Variants in SVEP1 observed in about 807,000 individuals in gnomAD.
The protein encoded by SVEP1 is sushi, von Willebrand factor type A, EGF and pentraxin domain-containing protein 1.
Under a neutral mutation model 367.3 loss-of-function variants are expected in SVEP1, and 164 were observed. That is an observed-to-expected ratio of 0.45 (90% CI 0.39 to 0.51). The LOEUF (loss-of-function observed/expected upper bound fraction) is 0.51. SVEP1 is among the 20% of genes least tolerant of loss of function. The probability of loss-of-function intolerance (pLI) is 0.00; values close to 1 mark genes in which losing one functional copy is unlikely to be tolerated. For missense variants in SVEP1, 4,117 were observed against 4,425.3 expected (o/e 0.93, Z 1.98); for synonymous variants, 1,666 against 1,611.6 (o/e 1.03, Z -0.81).
intron 5 of SVEP1, among the ~76,000 whole-genome samples, chr9:110,512,291 G>C (rs757203202): frequency 1.3e-5 from 2 of 151,918 alleles, no homozygotes; most frequent in Non-Finnish European, 2.9e-5. Context: ...ACCCTAGGAA[G>C]TTGGTTGTGT....
chr9:110,392,495 G>A (rs1486205506), intron 40 of SVEP1, among the ~76,000 whole-genome samples: 4 of 152,074 alleles, frequency 2.6e-5, no homozygotes, highest in African/African-American at 9.7e-5. Context: ...ATAATGTCTG[G>A]TTGTCTCCAT....
At chr9:110,391,352 C>A (rs923607035) in intron 40 of SVEP1, among the ~76,000 whole-genome samples, 3 of 151,256 alleles carry the variant, frequency 2.0e-5, no homozygotes, top group African/African-American at 7.3e-5. Context: ...CTCTCTGCAA[C>A]CTCCACCTCC....
chr9:110,406,383 C>T lies in SVEP1; in HGVS notation c.9217G>A (p.Ala3073Thr). ...SCGSLPMIPN[A>T]FISETSSWKE... The stretch of plus-strand genomic sequence containing the variant: ...CAAGAGCTGGTCTCACTGATGAACG[C>T]ATTTGGTATCATTGGAAGAGAACCA... Residue 3073 changes from alanine (A) to threonine (T), a missense_variant, in exon 38 of 48, where the codon GCG becomes ACG. Ala to Thr is a moderately conservative substitution (Grantham distance 58). Around this residue, in one of 4 missense-constraint regions of SVEP1, gnomAD observed 1,765 missense variants for 1,781.1 expected, o/e 0.99. Transcript: ENST00000374469. 6.2e-7 allele frequency: 1 copy of T among 1,614,050 alleles called. No homozygotes were observed. The highest frequency in any genetic ancestry group is 8.5e-7 in the Non-Finnish European group (1 of 1,179,906).
rs187194553 is a variant in SVEP1, at chr9:110,514,477, C to T, written c.965-371G>A. ...GCGGTGAGCTGAGATAGCACCACTG[C>T]ACTCCAGCCTGGGCAACAAGAGCAA... On this transcript the variant is annotated intron_variant, in intron 3 of 47. Coordinates refer to ENST00000374469, the MANE Select transcript of SVEP1 (RefSeq NM_153366.4). 4.1e-5 allele frequency among the ~76,000 whole-genome samples: 6 copies of T among 145,746 alleles called. No homozygotes were observed. In the East Asian group the frequency reaches 6.0e-4, roughly 15 times the overall value.
In SVEP1 at chr9:110,379,362, G is replaced by A. The variant is rs748401879; in HGVS notation, c.10393C>T (p.Pro3465Ser). 73 of 1,613,484 alleles carry A rather than the reference G, an allele frequency of 4.5e-5. No individual in the cohort carries two copies. The highest frequency in any genetic ancestry group is 6.2e-5 in the Non-Finnish European group (73 of 1,179,706). Residue 3465 changes from proline (P) to serine (S), a missense_variant, in exon 44 of 48, where the codon CCT becomes TCT. Coordinates refer to ENST00000374469, the MANE Select transcript of SVEP1 (RefSeq NM_153366.4). ...ATTTCCTTACCTCTGCAAATAGGAGGTGATGTCCATGTTCCATTTTCTAAA... is the reference window on the plus strand; with the variant it reads ...ATTTCCTTACCTCTGCAAATAGGAGATGATGTCCATGTTCCATTTTCTAAA... ...VCLENGTWTS[P>S]PICRAVCRFP...
At chr9:110,438,814 G>C (rs1828470705) in intron 27 of SVEP1, among the ~76,000 whole-genome samples, 1 of 152,084 alleles carries the variant, frequency 6.6e-6, no homozygotes, top group African/African-American at 2.4e-5. Context: ...CTATACACAG[G>C]TTTGCTATGC....
intron 21 of SVEP1, 91 bp downstream of exon 21, chr9:110,457,165 G>C: frequency 9.7e-7 from 1 of 1,030,194 alleles, no homozygotes. Context: ...GTATCTTATC[G>C]GATATAGTTA....
intron 43 of SVEP1, among the ~76,000 whole-genome samples, chr9:110,384,209 T>C (rs962074177): frequency 6.6e-6 from 1 of 152,180 alleles, no homozygotes; most frequent in Non-Finnish European, 1.5e-5. Flanking sequence ...CACAGATCCA[T>C]GGAAAAAGTG....
intron 1 of SVEP1, among the ~76,000 whole-genome samples, chr9:110,563,802 T>G (rs898098675): frequency 9.9e-5 from 15 of 152,166 alleles, no homozygotes; most frequent in Non-Finnish European, 2.2e-4. Context: ...TCTCCACTTC[T>G]CTTTGTATAT....
intron 22 of SVEP1, among the ~76,000 whole-genome samples, chr9:110,455,231 T>C (rs970212911): frequency 1.1e-4 from 17 of 152,208 alleles, no homozygotes; most frequent in African/African-American, 3.9e-4. Context: ...GTATTTGTAG[T>C]AGGCTTTACA....
intron 1 of SVEP1, among the ~76,000 whole-genome samples, chr9:110,573,503 G>A (rs1470506317): frequency 6.6e-6 from 1 of 151,962 alleles, no homozygotes; most frequent in Admixed American, 6.6e-5. Context: ...GATGTTTGGC[G>A]AGACAGCGCA....
intron 18 of SVEP1, among the ~76,000 whole-genome samples, chr9:110,461,475 G>A (rs1828856669): frequency 6.6e-6 from 1 of 152,152 alleles, no homozygotes; most frequent in East Asian, 1.9e-4. Flanking sequence ...AGGGTTTGGT[G>A]TCCTTACAAT....
chr9:110,523,757 G>C (rs753348968), intron 3 of SVEP1, among the ~76,000 whole-genome samples: 1 of 151,854 alleles, frequency 6.6e-6, no homozygotes, highest in African/African-American at 2.4e-5. Context: ...TAGAAAAGAA[G>C]TCTCAAATCG....
chr9:110,450,572 C>A (rs996350083), intron 23 of SVEP1, among the ~76,000 whole-genome samples: 3 of 145,764 alleles, frequency 2.1e-5, no homozygotes, highest in Admixed American at 7.2e-5. Context: ...TAGGTTCAAG[C>A]GATTCTCCTG....
At chr9:110,559,475 A>C (rs1158212046) in intron 1 of SVEP1, among the ~76,000 whole-genome samples, 3 of 152,172 alleles carry the variant, frequency 2.0e-5, no homozygotes, top group African/African-American at 7.2e-5. Flanking sequence ...AAAAATGTTT[A>C]ACTTCATTAA....
intron 3 of SVEP1, among the ~76,000 whole-genome samples, chr9:110,539,615 G>GTA (rs10655944): frequency 0.95 from 142,553 of 150,088 alleles, 67,922 homozygotes; most frequent in African/African-American, 0.97. Flanking sequence ...GATTTTTAAA[G>GTA]TATATATATA....
intron 3 of SVEP1, among the ~76,000 whole-genome samples, chr9:110,543,547 G>A (rs1235768068): frequency 6.6e-6 from 1 of 152,150 alleles, no homozygotes; most frequent in East Asian, 1.9e-4. Context: ...TGGGTAACTG[G>A]GGGCAGTGGT....
intron 1 of SVEP1, among the ~76,000 whole-genome samples, chr9:110,571,016 G>A (rs1190813862): frequency 1.5e-5 from 2 of 135,688 alleles, no homozygotes; most frequent in African/African-American, 2.7e-5. Flanking sequence ...TTGCACTGTC[G>A]CCTGGGCTGG....
At chr9:110,537,229 C>T (rs1316418381) in intron 3 of SVEP1, among the ~76,000 whole-genome samples, 3 of 151,868 alleles carry the variant, frequency 2.0e-5, no homozygotes, top group Non-Finnish European at 4.4e-5. Flanking sequence ...AGAAGGTTTT[C>T]AGCACTAAAA....
Sources: allele counts gnomAD v4.1 joint callset (sites outside exome capture counted in the v4.1 genomes callset), GRCh38; gene constraint gnomAD v4.1.1; regional missense constraint gnomAD v4.1.1; transcripts MANE v1.5; gene names NCBI Gene and HGNC (gene_info 2026-07-23, HGNC 2026-07-21).